The following LRP6 variants were observed in gnomAD, a reference collection of about 807,000 sequenced individuals.
LRP6 encodes the protein low-density lipoprotein receptor-related protein 6.
LRP6 carries 43 observed loss-of-function variants against 184.1 expected under a neutral mutation model. That is an observed-to-expected ratio of 0.23 (90% CI 0.18 to 0.30). The LOEUF is 0.30. Ranked by LOEUF, LRP6 falls within the 10% of genes least tolerant of loss-of-function variation. LRP6 has a pLI of 1.00. For missense variants in LRP6, 1,571 were observed against 2,005.3 expected (o/e 0.78, Z 4.14); for synonymous variants, 719 against 684.9 (o/e 1.05, Z -0.78).
At chr12:12,253,288 A>C (rs137995548) in intron 1 of LRP6, among the ~76,000 whole-genome samples, 1 of 152,218 alleles carries the variant, frequency 6.6e-6, no homozygotes, top group East Asian at 1.9e-4. Flanking sequence ...AAATAAAGTT[A>C]ATCATTACGC....
chr12:12,160,593 G>A (rs1000741981), intron 10 of LRP6, among the ~76,000 whole-genome samples: 5 of 152,104 alleles, frequency 3.3e-5, no homozygotes, highest in Admixed American at 1.3e-4. Context: ...ACTACACTAC[G>A]CTACAACAAT....
intron 1 of LRP6, among the ~76,000 whole-genome samples, chr12:12,265,537 A>C (rs1235425119): frequency 6.6e-6 from 1 of 152,220 alleles, no homozygotes; most frequent in African/African-American, 2.4e-5. Context: ...AGAACTTAAC[A>C]AAAGTTTAGC....
intron 4 of LRP6, 143 bp from the exon 5 acceptor site, chr12:12,184,254 C>A: frequency 1.4e-6 from 1 of 699,082 alleles, no homozygotes; most frequent in South Asian, 1.6e-5. Context: ...TCTGCAAAGA[C>A]AGGAATTAAT....
At chr12:12,179,044 G>C (rs571037802) in intron 7 of LRP6, among the ~76,000 whole-genome samples, 2 of 152,242 alleles carry the variant, frequency 1.3e-5, no homozygotes, top group Admixed American at 6.5e-5. Context: ...ACCTAACTCT[G>C]TTCTATCTAT....
chr12:12,203,514 C>G (rs1354652502), intron 2 of LRP6, 114 bp from the exon 3 acceptor site: 4 of 828,074 alleles, frequency 4.8e-6, no homozygotes, highest in African/African-American at 3.4e-5. Flanking sequence ...CACTTGTAAT[C>G]CCAGCACTCT....
chr12:12,187,759 G>C (rs1863512449), intron 3 of LRP6, among the ~76,000 whole-genome samples: 1 of 152,150 alleles, frequency 6.6e-6, no homozygotes, highest in Non-Finnish European at 1.5e-5. Context: ...TATTCAGGCA[G>C]CCAAAAAGAA....
chr12:12,218,876 C>T (rs749401549), intron 2 of LRP6, among the ~76,000 whole-genome samples: 18 of 152,050 alleles, frequency 1.2e-4, no homozygotes, highest in Non-Finnish European at 2.6e-4. Context: ...GCAAATATTG[C>T]AGGAAAGAGA....
At chr12:12,178,987 T>C (rs1030125538) in intron 7 of LRP6, among the ~76,000 whole-genome samples, 3 of 152,286 alleles carry the variant, frequency 2.0e-5, no homozygotes, top group Non-Finnish European at 4.4e-5. Context: ...TGAAGAGCCA[T>C]TTAAAGCCAT....
At chr12:12,171,783 C>T (rs1348137557) in intron 7 of LRP6, among the ~76,000 whole-genome samples, 1 of 152,172 alleles carries the variant, frequency 6.6e-6, no homozygotes, top group Non-Finnish European at 1.5e-5. Flanking sequence ...CTGACTTCTC[C>T]ACTAAGTATT....
In LRP6 at chr12:12,245,943, G is replaced by A. The variant is rs373201186; in HGVS notation, c.56-1288C>T. ...CACCAGTCACACGCAGCTATGGAGC[G>A]CTTAAAATGTGGCTAGTGTGACTAC... is the stretch of plus-strand genomic sequence containing the variant. On this transcript the variant is annotated intron_variant, in intron 1 of 22. Coordinates refer to ENST00000261349, the MANE Select transcript of LRP6 (RefSeq NM_002336.3). 2.8e-3 allele frequency among the ~76,000 whole-genome samples: 417 copies of A among 150,738 alleles called. 5 individuals are homozygous for A. Among genetic ancestry groups the A allele is most frequent in the South Asian group, 0.026 (125 of 4,792 alleles).
At chr12:12,266,514 G>A (rs1172930116) in intron 1 of LRP6, among the ~76,000 whole-genome samples, 167 bp downstream of exon 1, 1 of 152,028 alleles carries the variant, frequency 6.6e-6, no homozygotes, top group Non-Finnish European at 1.5e-5. Flanking sequence ...GGCGGTGCAC[G>A]CAGCCCCTGC....
chr12:12,150,745 TAAG>T, intron 13 of LRP6, 88 bp downstream of exon 13: 1 of 1,361,590 alleles, frequency 7.3e-7, no homozygotes, highest in Non-Finnish European at 1.1e-6. Flanking sequence ...CACACACACT[TAAG>T]CAGAGTCAAG....
At chr12:12,204,279 C>CA (rs61067494) in intron 2 of LRP6, among the ~76,000 whole-genome samples, 19,479 of 96,152 alleles carry the variant, frequency 0.2, 1,812 homozygotes, top group African/African-American at 0.26. Flanking sequence ...TCATAAAAGT[C>CA]AAAAAAAAAA....
intron 1 of LRP6, among the ~76,000 whole-genome samples, chr12:12,259,164 G>A (rs1865548689): frequency 6.6e-6 from 1 of 151,044 alleles, no homozygotes; most frequent in Non-Finnish European, 1.5e-5. Flanking sequence ...TTGGGAGGCT[G>A]AGACAGGAGA....
chr12:12,234,169 C>T (rs187320259), intron 2 of LRP6, among the ~76,000 whole-genome samples: 2 of 152,130 alleles, frequency 1.3e-5, no homozygotes, highest in East Asian at 3.9e-4. Flanking sequence ...TGCATGTAGT[C>T]CCAGCTACTC....
intron 8 of LRP6, 23 bp from the exon 9 acceptor site, chr12:12,164,585 G>C: frequency 1.9e-6 from 3 of 1,611,524 alleles, no homozygotes; most frequent in Non-Finnish European, 2.5e-6. Flanking sequence ...TTATAAAAGG[G>C]GCACAGAAGG....
intron 7 of LRP6, among the ~76,000 whole-genome samples, chr12:12,175,790 CTAT>C (rs1490258974): frequency 3.3e-5 from 5 of 150,932 alleles, no homozygotes; most frequent in African/African-American, 1.2e-4. Context: ...ATTGACAATA[CTAT>C]TGTTTTCAAT....
chr12:12,175,083 T>C (rs999726495), intron 7 of LRP6, among the ~76,000 whole-genome samples: 2 of 151,682 alleles, frequency 1.3e-5, no homozygotes, highest in African/African-American at 4.8e-5. Context: ...GAAACCAAAA[T>C]AAAAAGTATA....
intron 7 of LRP6, among the ~76,000 whole-genome samples, chr12:12,171,190 T>C (rs1863028409): frequency 6.6e-6 from 1 of 152,096 alleles, no homozygotes; most frequent in South Asian, 2.1e-4. Flanking sequence ...GACACACAAA[T>C]AATAATGATG....
Sources: gnomAD v4.1 joint callset for allele counts (sites outside exome capture counted in the v4.1 genomes callset) on GRCh38, gnomAD v4.1.1 for gene constraint, MANE v1.5 for transcripts, NCBI Gene and HGNC (gene_info 2026-07-23, HGNC 2026-07-21) for gene names.